FRMD4B: variants seen among roughly 807,000 people sequenced by gnomAD.
FRMD4B encodes the protein FERM domain-containing protein 4B.
A neutral mutation model predicts 141.5 loss-of-function variants in FRMD4B; 74 were observed. The observed-to-expected ratio is 0.52, with a 90% CI of 0.43 to 0.63. FRMD4B has a LOEUF of 0.63. FRMD4B is among the 30% of genes least tolerant of loss of function. The pLI, the probability that FRMD4B is intolerant of heterozygous loss-of-function variation, is 0.00. For missense variants in FRMD4B, 1,366 were observed against 1,253.4 expected (o/e 1.09, Z -1.36); for synonymous variants, 506 against 467.9 (o/e 1.08, Z -1.05).
chr3:69,359,312 T>C (rs1409930151), intron 1 of FRMD4B, among the ~76,000 whole-genome samples: 1 of 152,090 alleles, frequency 6.6e-6, no homozygotes, highest in African/African-American at 2.4e-5. Context: ...CAGCCACAGG[T>C]TAGTTGGTTT....
chr3:69,478,084 T>G (rs989172418), intron 1 of FRMD4B, among the ~76,000 whole-genome samples: 1 of 152,168 alleles, frequency 6.6e-6, no homozygotes, highest in Non-Finnish European at 1.5e-5. Flanking sequence ...ATCTATTTGA[T>G]TCTTCTCTCT....
In FRMD4B at chr3:69,404,950, A is replaced by T. The variant is rs114390362; in HGVS notation, c.-1+27684T>A. ...CAAATAACAGGCAGGAATGAAAGAG[A>T]TTAAAAACTTGGTCCAATAGCCTAG... On this transcript the variant is annotated intron_variant, in intron 2 of 5. Transcript: ENST00000459638. Among the ~76,000 whole-genome samples, 1,188 of 152,304 alleles carry T rather than the reference A, an allele frequency of 7.8e-3. 13 individuals carry two copies. The highest frequency in any genetic ancestry group is 0.026 in the African/African-American group (1,077 of 41,564).
chr3:69,438,760 A>G (rs892488621), intron 1 of FRMD4B, among the ~76,000 whole-genome samples: 2 of 152,122 alleles, frequency 1.3e-5, no homozygotes, highest in African/African-American at 4.8e-5. Context: ...CCCACCACCC[A>G]ATCTCCATCC....
At chr3:69,224,726 G>C (rs780494762) in intron 7 of FRMD4B, 36 bp from the exon 8 acceptor site, 15 of 1,013,672 alleles carry the variant, frequency 1.5e-5, no homozygotes, top group Non-Finnish European at 2.3e-5. Context: ...GTCAGGTACT[G>C]TTATCCAAAA....
At chr3:69,470,382 C>T (rs1294387735) in intron 1 of FRMD4B, among the ~76,000 whole-genome samples, 2 of 151,970 alleles carry the variant, frequency 1.3e-5, no homozygotes, top group Non-Finnish European at 2.9e-5. Context: ...AGTAAAACAC[C>T]ATTTTGCAAG....
chr3:69,236,362 G>T lies in FRMD4B; in HGVS notation c.582-11672C>A, dbSNP rs1168742248. Among the ~76,000 whole-genome samples the T allele has an allele frequency of 4.6e-5, 7 of 151,934 alleles. No individual in the cohort carries two copies. The East Asian group carries it at 1.4e-3, about 29-fold the overall frequency. On this transcript the variant is annotated intron_variant, in intron 7 of 22. Transcript: ENST00000398540. ...TCCTGCCTCAGCCTCCTGAGTAGCT[G>T]GGACTATAGGCACCTGCCACGATGC...
At chr3:69,179,841 T>C (rs2092686263) in intron 21 of FRMD4B, among the ~76,000 whole-genome samples, 1 of 152,160 alleles carries the variant, frequency 6.6e-6, no homozygotes, top group Non-Finnish European at 1.5e-5. Flanking sequence ...CAGGAACTAG[T>C]TCAACAATGG....
chr3:69,485,016 C>T (rs546050799), intron 1 of FRMD4B, among the ~76,000 whole-genome samples: 20 of 152,294 alleles, frequency 1.3e-4, no homozygotes, highest in African/African-American at 4.1e-4. Flanking sequence ...CTTTCTGCCT[C>T]CCGTGACCAT....
chr3:69,280,834 G>T (rs2093641473), intron 5 of FRMD4B, among the ~76,000 whole-genome samples: 1 of 152,044 alleles, frequency 6.6e-6, no homozygotes, highest in African/African-American at 2.4e-5. Context: ...GCCCAGACTG[G>T]TTTTGAACTC....
In FRMD4B at chr3:69,377,486, T is replaced by C. The variant is rs561268710; in HGVS notation, c.162+8342A>G. Among the ~76,000 whole-genome samples the C allele has an allele frequency of 1.2e-4, 18 of 152,326 alleles. No individual in the cohort carries two copies. In the East Asian group the frequency reaches 2.7e-3, roughly 23 times the overall value. On this transcript the variant is annotated intron_variant, in intron 1 of 22. Coordinates refer to ENST00000398540, the MANE Select transcript of FRMD4B (RefSeq NM_015123.3). Reference sequence around the variant, plus strand: ...GTGCAGGCTTTGGTCCTAGCACCTGTTGGGGAGGCACCCGTAGAAGGTGCT... The same window carrying C: ...GTGCAGGCTTTGGTCCTAGCACCTGCTGGGGAGGCACCCGTAGAAGGTGCT...
intron 17 of FRMD4B, among the ~76,000 whole-genome samples, chr3:69,191,958 C>T (rs181038507): frequency 3.6e-4 from 55 of 152,064 alleles, no homozygotes; most frequent in African/African-American, 1.3e-3. Context: ...AAATCATATG[C>T]TCTACACCCA....
intron 1 of FRMD4B, among the ~76,000 whole-genome samples, chr3:69,455,629 C>A (rs1487953191): frequency 1.3e-5 from 2 of 152,252 alleles, no homozygotes; most frequent in African/African-American, 2.4e-5. Flanking sequence ...ATGCTCACTG[C>A]GAGGGTCCGT....
At chr3:69,180,080 T>C (rs1199315433) in intron 21 of FRMD4B, among the ~76,000 whole-genome samples, 1 of 151,968 alleles carries the variant, frequency 6.6e-6, no homozygotes, top group Non-Finnish European at 1.5e-5. Context: ...AACCACAACA[T>C]AGGTATATAT....
At chr3:69,328,325 C>T (rs973449737) in intron 1 of FRMD4B, among the ~76,000 whole-genome samples, 2 of 152,226 alleles carry the variant, frequency 1.3e-5, no homozygotes, top group Admixed American at 6.5e-5. Flanking sequence ...TAATGATATG[C>T]TACTGCTCGT....
chr3:69,322,819 G>A (rs898229766), intron 1 of FRMD4B: 4 of 152,462 alleles, frequency 2.6e-5, no homozygotes, highest in Admixed American at 6.6e-5. Context: ...GGCTGGTCTC[G>A]AACTCCTGGA....
At chr3:69,221,958 A>G (rs1379529238) in intron 8 of FRMD4B, 35 bp from the exon 9 acceptor site, 1 of 1,086,062 alleles carries the variant, frequency 9.2e-7, no homozygotes, top group South Asian at 1.3e-5. Context: ...ATTGCAATGC[A>G]TGATTATCTG....
At chr3:69,235,340 T>C (rs2093338723) in intron 7 of FRMD4B, among the ~76,000 whole-genome samples, 1 of 151,504 alleles carries the variant, frequency 6.6e-6, no homozygotes. Context: ...AAAACATGAG[T>C]GCTGTCATCT....
intron 10 of FRMD4B, among the ~76,000 whole-genome samples, chr3:69,216,634 G>A (rs948964114): frequency 6.6e-6 from 1 of 151,840 alleles, no homozygotes; most frequent in Non-Finnish European, 1.5e-5. Flanking sequence ...GTTTCACTAT[G>A]TTGGCTAGGA....
chr3:69,378,673 T>C (rs546221227), intron 1 of FRMD4B, among the ~76,000 whole-genome samples: 3 of 152,130 alleles, frequency 2.0e-5, no homozygotes, highest in African/African-American at 7.2e-5. Flanking sequence ...CCAGTGGTAT[T>C]TCTAAATCAA....
Sources: allele counts gnomAD v4.1 joint callset (sites outside exome capture counted in the v4.1 genomes callset), GRCh38; gene constraint gnomAD v4.1.1; transcripts MANE v1.5; gene names NCBI Gene and HGNC (gene_info 2026-07-23, HGNC 2026-07-21).